The following ZNF585B variants were observed in gnomAD, a reference collection of about 807,000 sequenced individuals.
ZNF585B encodes the protein zinc finger protein 585B.
In ZNF585B, 7 loss-of-function variants were observed where a neutral mutation model predicts 14.0. That is an observed-to-expected ratio of 0.50 (90% CI 0.28 to 0.94). The LOEUF is 0.94. Ranked by LOEUF, ZNF585B falls within the 40% of genes least tolerant of loss-of-function variation. The pLI is 0.09. For synonymous variants in ZNF585B, 290 were observed against 317.3 expected, an observed-to-expected ratio of 0.91 and a Z score of 0.91; for missense variants, 750 against 924.4, an observed-to-expected ratio of 0.81 and a Z score of 2.45.
At position 37,186,448 on chromosome 19, in the gene ZNF585B, A is replaced by G. The variant is rs142715107; in HGVS notation, c.1089T>C (p.Phe363=). 4.2e-4 allele frequency: 678 copies of G among 1,614,078 alleles called. 8 individuals are homozygous for G. The South Asian group carries it at 4.5e-3, about 11-fold the overall frequency. Residue 363 remains phenylalanine (F), a synonymous_variant, in exon 5 of 5, where the codon TTT becomes TTC. Transcript: ENST00000532828. ...SSICTECGKA[F]TYRSELIIHQ... ...GAATAATCAACTCTGACCTGTAGGT[A>G]AAGGCCTTCCCACACTCAGTACATA...
chr19:37,199,154 T>C, intron 2 of ZNF585B: 1 of 571,606 alleles, frequency 1.7e-6, no homozygotes, highest in Non-Finnish European at 3.0e-6. Flanking sequence ...CCCTATGTTA[T>C]CAAGAATTTA....
intron 2 of ZNF585B, among the ~76,000 whole-genome samples, chr19:37,192,493 C>T (rs1392408007): frequency 1.4e-5 from 2 of 144,448 alleles, no homozygotes; most frequent in South Asian, 2.2e-4. Flanking sequence ...AGTGACAGAG[C>T]GAGAACCTGT....
chr19:37,198,200 T>C (rs1972490523), intron 2 of ZNF585B, among the ~76,000 whole-genome samples: 1 of 152,066 alleles, frequency 6.6e-6, no homozygotes, highest in Non-Finnish European at 1.5e-5. Context: ...AGATGGACTT[T>C]TGCTCTTGTT....
intron 3 of ZNF585B, 70 bp downstream of exon 3, chr19:37,189,954 C>T: frequency 6.3e-7 from 1 of 1,594,782 alleles, no homozygotes; most frequent in Non-Finnish European, 8.5e-7. Context: ...ATGCCAACAG[C>T]ATTCGTCAAC....
intron 2 of ZNF585B, among the ~76,000 whole-genome samples, chr19:37,203,660 C>A (rs573389643): frequency 1.3e-5 from 2 of 152,210 alleles, no homozygotes; most frequent in Non-Finnish European, 2.9e-5. Flanking sequence ...TGGAGTTTCA[C>A]TCTTGTTGTC....
intron 4 of ZNF585B, among the ~76,000 whole-genome samples, chr19:37,188,601 G>A (rs1006950317): frequency 6.6e-6 from 1 of 152,208 alleles, no homozygotes; most frequent in East Asian, 1.9e-4. Context: ...CCTGGGAAGT[G>A]GAGGTTGCAG....
rs1972297145 is a variant in ZNF585B at position 37,184,401 on chromosome 19, AAAGAAAGAAAGAAAG to A, written c.*811_*825del. On this transcript the variant is annotated 3_prime_UTR_variant, in exon 5 of 5. Transcript: ENST00000532828. Reference sequence around the variant, plus strand: ...GAAAGAAAGAAAGAAAGAAAGAAAGAAAGAAAGAAAGAAAGAGAAAGAAAGAAAAAGAAAGAAAGA... The same window carrying A: ...GAAAGAAAGAAAGAAAGAAAGAAAGAAGAAAGAAAGAAAAAGAAAGAAAGA... 9 of 58,186 alleles carry A rather than the reference AAAGAAAGAAAGAAAG, an allele frequency of 1.5e-4. No homozygotes were observed. The highest frequency in any genetic ancestry group is 3.0e-4 in the Non-Finnish European group (9 of 29,804). The allele number at this position is 58,186 out of a possible 1,614,324, so 3.6% of individuals were successfully genotyped here.
intron 2 of ZNF585B, among the ~76,000 whole-genome samples, chr19:37,192,865 G>A (rs185908576): frequency 2.2e-3 from 327 of 151,948 alleles, no homozygotes; most frequent in Non-Finnish European, 4.0e-3. Context: ...GCCGGGCACA[G>A]TGGCTCACGC....
chr19:37,205,587 G>T (rs370607037), intron 2 of ZNF585B, among the ~76,000 whole-genome samples: 14 of 152,158 alleles, frequency 9.2e-5, no homozygotes, highest in African/African-American at 3.4e-4. Context: ...AATAAAGCAG[G>T]TTATCACTAC....
At chr19:37,200,572 A>G (rs1156831449) in intron 2 of ZNF585B, among the ~76,000 whole-genome samples, 1 of 150,162 alleles carries the variant, frequency 6.7e-6, no homozygotes, top group African/African-American at 2.4e-5. Flanking sequence ...AAAAAAAAGC[A>G]CAAAAGGTGG....
intron 2 of ZNF585B, chr19:37,198,883 A>G: frequency 9.6e-7 from 1 of 1,045,264 alleles, no homozygotes; most frequent in Non-Finnish European, 1.3e-6. Flanking sequence ...TGGAAAGAAA[A>G]GTACTAAAGA....
Position 37,186,170 on chromosome 19 carries a change from T to C in ZNF585B, c.1367A>G (p.His456Arg), listed in dbSNP as rs1378540754. 1 of 1,614,238 alleles carries C rather than the reference T, an allele frequency of 6.2e-7. No individual in the cohort carries two copies. Among genetic ancestry groups the C allele is most frequent in the Admixed American group, 1.7e-5 (1 of 60,030 alleles). ...CTTTTCTCCTGTGTGAATTCGTTTA[T>C]GAACATGGAGTTGTGACTTGGAAGT... The part of the protein sequence containing the change: ...LFTSKSQLHV[H>R]KRIHTGEKPY... The change falls in exon 5 of 5, where the codon CAT becomes CGT. Residue 456 changes from histidine to arginine, a missense_variant. His to Arg is a conservative substitution (Grantham distance 29). Around this residue, in one of 2 missense-constraint regions of ZNF585B, gnomAD observed 517 missense variants for 570.3 expected, o/e 0.91. Coordinates refer to ENST00000532828, the MANE Select transcript of ZNF585B (RefSeq NM_152279.4).
At chr19:37,203,378 G>C (rs1054003808) in intron 2 of ZNF585B, among the ~76,000 whole-genome samples, 2 of 151,196 alleles carry the variant, frequency 1.3e-5, no homozygotes, top group African/African-American at 4.9e-5. Context: ...TAGGAGGGAG[G>C]CTGAGGCAGG....
At chr19:37,192,004 C>T (rs1331963490) in intron 2 of ZNF585B, among the ~76,000 whole-genome samples, 1 of 151,854 alleles carries the variant, frequency 6.6e-6, no homozygotes, top group South Asian at 2.1e-4. Context: ...CATTCCAGCC[C>T]GGGATACAGA....
Position 37,184,434 on chromosome 19 carries a change from AAGAAAGAAGGAAAGAAAG to A in ZNF585B, c.*775_*792del, listed in dbSNP as rs1972301159. ...AAAGAAAGAGAAAGAAAGAAAAAGA[AAGAAAGAAGGAAAGAAAG>A]AAAGAAAGAAAGAAAGAAAGAAAGA... On this transcript the variant is annotated 3_prime_UTR_variant, in exon 5 of 5. Coordinates refer to ENST00000532828, the MANE Select transcript of ZNF585B (RefSeq NM_152279.4). 1.2e-5 allele frequency: 1 copy of A among 82,214 alleles called. No homozygotes were observed. Among genetic ancestry groups the A allele is most frequent in the Admixed American group, 1.4e-4 (1 of 7,148 alleles). The allele number at this position is 82,214 out of a possible 1,614,324, so 5.1% of individuals were successfully genotyped here.
chr19:37,197,023 C>G (rs1056069811), intron 2 of ZNF585B, among the ~76,000 whole-genome samples: 1 of 152,104 alleles, frequency 6.6e-6, no homozygotes, highest in African/African-American at 2.4e-5. Flanking sequence ...GGTACATGTG[C>G]ACAACGTGCA....
intron 2 of ZNF585B, among the ~76,000 whole-genome samples, chr19:37,205,449 T>G (rs1304837704): frequency 2.0e-5 from 3 of 152,194 alleles, no homozygotes; most frequent in Admixed American, 1.3e-4. Flanking sequence ...ATAGTTTCTG[T>G]ATTTTACCAA....
chr19:37,185,522 C>G lies in ZNF585B; in HGVS notation c.2015G>C (p.Arg672Pro). 1.2e-6 allele frequency: 2 copies of G among 1,612,528 alleles called. No homozygotes were observed. Among genetic ancestry groups the G allele is most frequent in the Non-Finnish European group, 8.5e-7 (1 of 1,179,570 alleles). Reference sequence around the variant, plus strand: ...ATGTGTAATCAACTCTGACTTCTGTCGAAAGGTCTTCCCACATTCAGAACA... The same window carrying G: ...ATGTGTAATCAACTCTGACTTCTGTGGAAAGGTCTTCCCACATTCAGAACA... ...YICSECGKTF[R>P]QKSELITHHR... is the part of the protein sequence containing the mutation. The change falls in exon 5 of 5, where the codon CGA (arginine) becomes CCA (proline). Residue 672 changes from arginine to proline, a missense_variant. This residue lies in a region of ZNF585B where 233 missense variants were observed against 354.1 expected (regional missense o/e 0.66). Transcript: ENST00000532828.
At chr19:37,204,774 G>A (rs1162244526) in intron 2 of ZNF585B, among the ~76,000 whole-genome samples, 1 of 149,316 alleles carries the variant, frequency 6.7e-6, no homozygotes, top group East Asian at 2.0e-4. Context: ...TGAGACAGAG[G>A]CTCACTCTGT....
Sources: allele counts gnomAD v4.1 joint callset (sites outside exome capture counted in the v4.1 genomes callset), GRCh38; gene constraint gnomAD v4.1.1; regional missense constraint gnomAD v4.1.1; transcripts MANE v1.5; gene names NCBI Gene and HGNC (gene_info 2026-07-23, HGNC 2026-07-21).